Variants in ITGB4 observed in about 807,000 individuals in gnomAD.
ITGB4 encodes the protein integrin beta-4.
In ITGB4, 159 loss-of-function variants were observed where a neutral mutation model predicts 207.6. The ratio of observed to expected loss-of-function variants is 0.77; its 90% CI spans 0.67 to 0.87. ITGB4 has a LOEUF of 0.87. Among genes scored for constraint, ITGB4 ranks in the 40% least tolerant of loss-of-function variants. The pLI, the probability that ITGB4 is intolerant of heterozygous loss-of-function variation, is 0.00. For synonymous variants in ITGB4, 1,020 were observed against 1,062.7 expected, an observed-to-expected ratio of 0.96 and a Z score of 0.78; for missense variants, 2,278 against 2,546.8, an observed-to-expected ratio of 0.89 and a Z score of 2.27.
At chr17:75,747,661 G>C (rs1256006966) in intron 26 of ITGB4, among the ~76,000 whole-genome samples, 1 of 151,912 alleles carries the variant, frequency 6.6e-6, no homozygotes, top group Non-Finnish European at 1.5e-5. Context: ...TTTGTCTTCC[G>C]TGACACTGAC....
chr17:75,726,996 A>C (rs369145247), intron 2 of ITGB4, among the ~76,000 whole-genome samples, 199 bp from the exon 3 acceptor site: 29 of 149,952 alleles, frequency 1.9e-4, no homozygotes, highest in African/African-American at 6.9e-4. Flanking sequence ...TGGCGTGAAC[A>C]CGGGTGGTGG....
At chr17:75,752,710 A>T in intron 32 of ITGB4, 133 bp downstream of exon 32, 1 of 1,138,138 alleles carries the variant, frequency 8.8e-7, no homozygotes, top group Non-Finnish European at 1.3e-6. Context: ...GACAAATGCA[A>T]TGGAGTGCAC....
At chr17:75,724,654 G>A in intron 1 of ITGB4, 40 bp from the exon 2 acceptor site, 5 of 1,421,494 alleles carry the variant, frequency 3.5e-6, no homozygotes, top group Non-Finnish European at 5.0e-6. Context: ...ACCGACCATG[G>A]CTGTGGAGGC....
At chr17:75,748,790 C>T (rs1267190546) in intron 26 of ITGB4, 51 bp from the exon 27 acceptor site, 2 of 1,434,938 alleles carry the variant, frequency 1.4e-6, no homozygotes, top group Admixed American at 3.9e-5. Context: ...GGCCATGACT[C>T]TTGCCTCAGC....
At position 75,727,705 on chromosome 17, in the gene ITGB4, C is replaced by T. The variant is rs777522343; in HGVS notation, c.319C>T (p.Arg107Trp). The change falls in exon 5 of 40, where the codon CGG becomes TGG. Residue 107 changes from arginine (R) to tryptophan (W), a missense_variant. Coordinates refer to ENST00000200181, the MANE Select transcript of ITGB4 (RefSeq NM_000213.5). This position sits in a 1 kb window ranked among gnomAD's most constrained non-coding sequence, Gnocchi z 6.0. ...RRSQMSPQGL[R>W]VRLRPGEERH... ...CAGCCAGATGTCCCCCCAAGGCCTG[C>T]GGGTCCGTCTGCGGCCCGGTGAGGA... The T allele has an allele frequency of 9.9e-6, 16 of 1,612,664 alleles. No individual in the cohort carries two copies. Among genetic ancestry groups the T allele is most frequent in the Middle Eastern group, 1.8e-4 (1 of 5,530 alleles).
At chr17:75,749,093 G>C (rs370876723) in intron 27 of ITGB4, 48 bp downstream of exon 27, 1 of 1,481,938 alleles carries the variant, frequency 6.7e-7, no homozygotes, top group Admixed American at 1.8e-5. Context: ...AGGGAAGACT[G>C]GGGGGTCTCT....
intron 37 of ITGB4, 33 bp downstream of exon 37, chr17:75,756,892 G>A: frequency 6.2e-7 from 1 of 1,612,366 alleles, no homozygotes; most frequent in Non-Finnish European, 8.5e-7. Flanking sequence ...GAGTGGCCAG[G>A]GGAGGGGTAA....
At chr17:75,746,591 T>C (rs1288124627) in intron 26 of ITGB4, among the ~76,000 whole-genome samples, 1 of 146,456 alleles carries the variant, frequency 6.8e-6, no homozygotes, top group African/African-American at 2.5e-5. Flanking sequence ...CTCAAACTCC[T>C]AGGATAACAT....
intron 26 of ITGB4, among the ~76,000 whole-genome samples, chr17:75,747,351 C>T (rs529701434): frequency 2.9e-4 from 44 of 152,120 alleles, no homozygotes; most frequent in African/African-American, 8.4e-4. Context: ...TGGTGGCACA[C>T]GCCTGTAATC....
intron 6 of ITGB4, 90 bp downstream of exon 6, chr17:75,728,563 C>T: frequency 9.1e-7 from 1 of 1,096,576 alleles, no homozygotes; most frequent in Non-Finnish European, 1.4e-6. Context: ...AATTATCCTT[C>T]TACGGCTGGG....
chr17:75,741,304 C>G (rs1248312969), intron 23 of ITGB4, among the ~76,000 whole-genome samples: 2 of 152,158 alleles, frequency 1.3e-5, no homozygotes, highest in Non-Finnish European at 2.9e-5. Context: ...AGCAGGTACC[C>G]ATCTCCATCC....
chr17:75,757,412 A>G lies in ITGB4; in HGVS notation c.5330-4A>G. The G allele has an allele frequency of 6.2e-7, 1 of 1,613,110 alleles. No homozygotes were observed. Among genetic ancestry groups the G allele is most frequent in the Non-Finnish European group, 8.5e-7 (1 of 1,179,974 alleles). On this transcript the variant is annotated splice_region_variant and splice_polypyrimidine_tract_variant and intron_variant, in intron 39 of 39. Transcript: ENST00000200181. ...CAGGTCATCTAATGCCTCCTCCTCC[A>G]CAGATGGGCTGACCCTGGGGGCCCA...
At chr17:75,744,017 GCCACCCT>G (rs2061178117) in intron 26 of ITGB4, among the ~76,000 whole-genome samples, 156 bp downstream of exon 26, 3 of 152,100 alleles carry the variant, frequency 2.0e-5, no homozygotes, top group African/African-American at 7.2e-5. Flanking sequence ...ACCTGCTCCT[GCCACCCT>G]GTGGCAGGGG....
At chr17:75,728,194 C>T (rs1239903975) in intron 5 of ITGB4, among the ~76,000 whole-genome samples, 183 bp from the exon 6 acceptor site, 1 of 152,222 alleles carries the variant, frequency 6.6e-6, no homozygotes, top group Non-Finnish European at 1.5e-5. Flanking sequence ...AACTCCAGAC[C>T]CCCAGTCCCA....
At chr17:75,741,695 A>G (rs1002643756) in intron 23 of ITGB4, among the ~76,000 whole-genome samples, 2 of 151,858 alleles carry the variant, frequency 1.3e-5, no homozygotes, top group African/African-American at 4.8e-5. Flanking sequence ...AATCCCAGCT[A>G]CTTGGGAGGC....
At position 75,742,459 on chromosome 17, in the gene ITGB4, C is replaced by G. The variant is rs376493221; in HGVS notation, c.2752C>G (p.Pro918Ala). ...QRAFHDLKVAPGYYTLTADQD... is the reference protein window; with the variant it reads ...QRAFHDLKVAAGYYTLTADQD... ...GGCCTTCCACGACCTCAAGGTGGCC[C>G]CCGGCTACTACACCCTCACTGCAGA... The change falls in exon 24 of 40, where the codon CCC becomes GCC. Residue 918 changes from proline (P) to alanine (A), a missense_variant. Pro to Ala is a conservative substitution (Grantham distance 27). Transcript: ENST00000200181. The surrounding 1 kb of genome is among the most constrained non-coding windows in gnomAD (Gnocchi z 5.9). The G allele has an allele frequency of 6.2e-7, 1 of 1,612,972 alleles. No homozygotes were observed.
At position 75,757,818 on chromosome 17, in the gene ITGB4, A is replaced by G; in HGVS notation, c.*263A>G. 1 of 661,402 alleles carries G rather than the reference A, an allele frequency of 1.5e-6. No individual in the cohort carries two copies. The highest frequency in any genetic ancestry group is 1.9e-5 in the South Asian group (1 of 54,040). The allele number at this position is 661,402 out of a possible 1,614,324, so 41.0% of individuals were successfully genotyped here. On this transcript the variant is annotated 3_prime_UTR_variant, in exon 40 of 40. Transcript: ENST00000200181. ...CTTAATAAATGGTTTTGCTACTGCT[A>G]GGCCCTGCCTTGCCCATTCTTCTGG...
At position 75,748,751 on chromosome 17, in the gene ITGB4, A is replaced by G. The variant is rs112036610; in HGVS notation, c.3112-90A>G. 2.0e-4 allele frequency: 182 copies of G among 914,940 alleles called. 1 individual carries two copies. The African/African-American group carries it at 2.4e-3, about 12-fold the overall frequency. 56.7% of individuals were successfully genotyped at this position (914,940 alleles called of 1,614,324 possible). A position where few individuals can be genotyped will look rare whatever the true frequency, so the allele number is the denominator to read the frequency against. On this transcript the variant is annotated intron_variant, in intron 26 of 39. Transcript: ENST00000200181. The stretch of plus-strand genomic sequence containing the variant: ...CCCAGCAAGCAGGGATGGTCTCTGC[A>G]GTGTCCATGAGGTTGGGAGGGAGCG...
rs1044974603 is a variant in ITGB4 at position 75,737,335 on chromosome 17, G to T, written c.2004G>T (p.Val668=). ...VDELKRAEEV[V]VRCSFRDEDD... ...CTGTGGGTACAGCCGAGGAGGTGGTGGTGCGCTGCTCCTTCCGGGACGAGG... is the reference window on the plus strand; with the variant it reads ...CTGTGGGTACAGCCGAGGAGGTGGTTGTGCGCTGCTCCTTCCGGGACGAGG... The change falls in exon 17 of 40, where the codon GTG becomes GTT. Residue 668 remains valine, a synonymous_variant. Transcript: ENST00000200181. 1.3e-6 allele frequency: 2 copies of T among 1,592,292 alleles called. No homozygotes were observed. The highest frequency in any genetic ancestry group is 1.7e-6 in the Non-Finnish European group (2 of 1,170,058).
Sources: gnomAD v4.1 joint callset for allele counts (sites outside exome capture counted in the v4.1 genomes callset) on GRCh38, gnomAD v4.1.1 for gene constraint, Gnocchi (gnomAD v3.1) non-coding constraint, MANE v1.5 for transcripts, NCBI Gene and HGNC (gene_info 2026-07-23, HGNC 2026-07-21) for gene names.